Variants in PTPRQ observed in about 807,000 individuals in gnomAD.
The protein encoded by PTPRQ is protein tyrosine phosphatase receptor type Q.
In PTPRQ, 199 loss-of-function variants were observed where a neutral mutation model predicts 246.0. The ratio of observed to expected loss-of-function variants is 0.81; its 90% confidence interval spans 0.72 to 0.91. The LOEUF (loss-of-function observed/expected upper bound fraction) is 0.91. PTPRQ is among the 40% of genes least tolerant of loss of function. The probability of loss-of-function intolerance (pLI) is 0.00; values close to 1 mark genes in which losing one functional copy is unlikely to be tolerated. For missense variants in PTPRQ, 2,624 were observed against 2,528.4 expected, an observed-to-expected ratio of 1.04 and a Z score of -0.81; for synonymous variants, 869 against 853.2, an observed-to-expected ratio of 1.02 and a Z score of -0.32.
chr12:80,449,201 C>T (rs995256067), intron 3 of PTPRQ, among the ~76,000 whole-genome samples: 8 of 151,328 alleles, frequency 5.3e-5, no homozygotes, highest in Non-Finnish European at 5.9e-5. Flanking sequence ...TCATGTCCTT[C>T]ACCCACTTTT....
chr12:80,538,873 A>G (rs976557555), intron 19 of PTPRQ, among the ~76,000 whole-genome samples: 7 of 152,024 alleles, frequency 4.6e-5, no homozygotes, highest in Non-Finnish European at 2.9e-5. Context: ...TTTCCATTTT[A>G]CAGTTGAAGG....
intron 7 of PTPRQ, 129 bp from the exon 8 acceptor site, chr12:80,471,975 TG>T: frequency 9.0e-7 from 1 of 1,109,548 alleles, no homozygotes; most frequent in Non-Finnish European, 1.3e-6. Context: ...TATGCAGTTT[TG>T]ATATTATAAT....
At chr12:80,513,466 G>C (rs1194384085) in intron 17 of PTPRQ, among the ~76,000 whole-genome samples, 1 of 152,188 alleles carries the variant, frequency 6.6e-6, no homozygotes, top group Non-Finnish European at 1.5e-5. Context: ...TCCTGTCAAC[G>C]TCCAGCCGCT....
intron 25 of PTPRQ, among the ~76,000 whole-genome samples, chr12:80,559,758 C>T (rs1338093540): frequency 6.6e-6 from 1 of 152,046 alleles, no homozygotes; most frequent in Non-Finnish European, 1.5e-5. Flanking sequence ...TTCCAAATAA[C>T]CCCTAATTTG....
At chr12:80,576,628 T>C (rs926955536) in intron 25 of PTPRQ, among the ~76,000 whole-genome samples, 1 of 152,306 alleles carries the variant, frequency 6.6e-6, no homozygotes. Flanking sequence ...CCAGGCATTA[T>C]ATGCTTATCT....
chr12:80,629,214 C>G (rs1030078502), intron 33 of PTPRQ, among the ~76,000 whole-genome samples: 19 of 151,990 alleles, frequency 1.3e-4, no homozygotes, highest in African/African-American at 4.6e-4. Flanking sequence ...AGAACAAGCT[C>G]TCTGTGTCTC....
chr12:80,581,779 T>A (rs1487745880), intron 25 of PTPRQ, among the ~76,000 whole-genome samples: 1 of 152,036 alleles, frequency 6.6e-6, no homozygotes, highest in Non-Finnish European at 1.5e-5. Context: ...AGCAAAGCCA[T>A]ACACCCAATA....
chr12:80,535,386 C>T (rs1895955975), intron 19 of PTPRQ, among the ~76,000 whole-genome samples: 1 of 152,024 alleles, frequency 6.6e-6, no homozygotes, highest in Non-Finnish European at 1.5e-5. Flanking sequence ...CATTTATCCT[C>T]AAAGTTATTT....
intron 17 of PTPRQ, among the ~76,000 whole-genome samples, chr12:80,522,490 G>A (rs903939764): frequency 7.2e-5 from 11 of 152,024 alleles, no homozygotes; most frequent in Non-Finnish European, 1.5e-4. Flanking sequence ...TATGATATTG[G>A]CTGTGGGTTT....
chr12:80,493,312 T>C lies in PTPRQ; in HGVS notation c.1397T>C (p.Ile466Thr), dbSNP rs749549587. The change falls in exon 10 of 45, where the codon ATA becomes ACA. Residue 466 changes from isoleucine to threonine, a missense_variant. Ile to Thr is a moderately conservative substitution (Grantham distance 89). Coordinates refer to ENST00000644991, the MANE Select transcript of PTPRQ (RefSeq NM_001145026.2). Reference protein sequence around the residue: ...NDPMAPEIVNIVEPMVGLYEG... With the variant: ...NDPMAPEIVNTVEPMVGLYEG... ...CCCATGGCTCCAGAAATTGTGAACATAGTAGAGCCAATGGTAGGATTATAT... is the reference window on the plus strand; with the variant it reads ...CCCATGGCTCCAGAAATTGTGAACACAGTAGAGCCAATGGTAGGATTATAT... 1.1e-4 allele frequency: 170 copies of C among 1,547,318 alleles called. No homozygotes were observed. Among genetic ancestry groups the C allele is most frequent in the Admixed American group, 2.4e-4 (12 of 50,552 alleles).
At chr12:80,676,765 T>A (rs147019226) in intron 43 of PTPRQ, among the ~76,000 whole-genome samples, 33 of 152,192 alleles carry the variant, frequency 2.2e-4, no homozygotes, top group African/African-American at 7.9e-4. Flanking sequence ...CTCAAGGAAG[T>A]GGAAATTTAC....
intron 35 of PTPRQ, among the ~76,000 whole-genome samples, chr12:80,642,757 A>G (rs1027253381): frequency 2.0e-5 from 3 of 150,794 alleles, no homozygotes; most frequent in Middle Eastern, 3.4e-3. Context: ...CGTCTCTACT[A>G]AAAATACAAA....
chr12:80,639,286 C>T (rs941951526), intron 35 of PTPRQ, among the ~76,000 whole-genome samples: 5 of 152,148 alleles, frequency 3.3e-5, no homozygotes, highest in Admixed American at 6.5e-5. Context: ...ATTTAAGTCA[C>T]GGAAGTTTTG....
chr12:80,484,683 C>G, intron 9 of PTPRQ, 78 bp downstream of exon 9: 1 of 1,491,542 alleles, frequency 6.7e-7, no homozygotes, highest in Non-Finnish European at 8.9e-7. Flanking sequence ...GATTTGCTAG[C>G]ACCCACACAT....
chr12:80,449,492 G>C (rs912565570), intron 3 of PTPRQ, among the ~76,000 whole-genome samples: 4 of 152,072 alleles, frequency 2.6e-5, no homozygotes, highest in Admixed American at 6.6e-5. Context: ...TTACTTCTAG[G>C]GTTTTTATGG....
At chr12:80,615,022 C>T (rs1036084028) in intron 29 of PTPRQ, among the ~76,000 whole-genome samples, 2 of 150,928 alleles carry the variant, frequency 1.3e-5, no homozygotes, top group African/African-American at 4.8e-5. Flanking sequence ...TATTGACCTA[C>T]TGAATCAAAA....
chr12:80,492,024 GA>G (rs575774792), intron 9 of PTPRQ, among the ~76,000 whole-genome samples: 1 of 151,724 alleles, frequency 6.6e-6, no homozygotes, highest in African/African-American at 2.4e-5. Context: ...AGCAGAACTT[GA>G]AAAAAATTAG....
At chr12:80,565,486 C>T (rs1896949563) in intron 25 of PTPRQ, among the ~76,000 whole-genome samples, 1 of 152,142 alleles carries the variant, frequency 6.6e-6, no homozygotes, top group Non-Finnish European at 1.5e-5. Flanking sequence ...TATCAACCTC[C>T]TCCCCTATTT....
chr12:80,461,991 A>G lies in PTPRQ; in HGVS notation c.910+1089A>G, dbSNP rs979623693. 2.3e-5 allele frequency: 16 copies of G among 687,140 alleles called. No individual in the cohort carries two copies. In the Admixed American group the frequency reaches 3.3e-4, roughly 14 times the overall value. The allele number at this position is 687,140 out of a possible 1,614,324, so 42.6% of individuals were successfully genotyped here. ...ATCTAAGGTACCCGTTCGTCTCACT[A>G]GGGAGTGCCAGACAGTGGATGCAGG... is the stretch of plus-strand genomic sequence containing the variant. On this transcript the variant is annotated intron_variant, in intron 6 of 44. Transcript: ENST00000644991.
Sources: allele counts gnomAD v4.1 joint callset (sites outside exome capture counted in the v4.1 genomes callset), GRCh38; gene constraint gnomAD v4.1.1; transcripts MANE v1.5; gene names NCBI Gene and HGNC (gene_info 2026-07-23, HGNC 2026-07-21).